Variants in CHRM3 observed in about 807,000 individuals in gnomAD.
CHRM3 encodes the protein muscarinic acetylcholine receptor M3.
A neutral mutation model predicts 41.8 loss-of-function variants in CHRM3; 11 were observed. The observed-to-expected ratio is 0.26, with a 90% CI of 0.17 to 0.44. The LOEUF is 0.44. CHRM3 is among the 20% of genes least tolerant of loss of function. The pLI is 1.00. For missense variants in CHRM3, 571 were observed against 745.4 expected (o/e 0.77, Z 2.72); for synonymous variants, 297 against 301.4 (o/e 0.99, Z 0.15).
intron 1 of CHRM3, among the ~76,000 whole-genome samples, chr1:239,490,099 T>A (rs749399239): frequency 6.6e-6 from 1 of 152,220 alleles, no homozygotes; most frequent in African/African-American, 2.4e-5. Flanking sequence ...AAACAAATGT[T>A]GCATACTATT....
chr1:239,562,305 A>G (rs1660932924), intron 3 of CHRM3, among the ~76,000 whole-genome samples: 1 of 152,160 alleles, frequency 6.6e-6, no homozygotes, highest in Non-Finnish European at 1.5e-5. Context: ...GTGATCCCTC[A>G]TAACAACTTT....
chr1:239,618,647 A>G (rs933177563), intron 3 of CHRM3, among the ~76,000 whole-genome samples: 24 of 151,622 alleles, frequency 1.6e-4, no homozygotes, highest in South Asian at 4.2e-4. Flanking sequence ...GATCGAGACC[A>G]TCCTGGCTAA....
chr1:239,519,399 G>A (rs571486912), intron 2 of CHRM3, among the ~76,000 whole-genome samples: 15 of 152,226 alleles, frequency 9.9e-5, no homozygotes, highest in Admixed American at 9.2e-4. Context: ...AGCCTCTTCT[G>A]TATGTTTGAA....
intron 2 of CHRM3, among the ~76,000 whole-genome samples, chr1:239,529,287 T>C (rs1670205048): frequency 1.3e-5 from 2 of 152,106 alleles, no homozygotes; most frequent in Admixed American, 1.3e-4. Context: ...ATTAATTTCA[T>C]TTTGAAAGCT....
intron 5 of CHRM3, among the ~76,000 whole-genome samples, chr1:239,687,599 T>G (rs1659268666): frequency 6.6e-6 from 1 of 152,156 alleles, no homozygotes; most frequent in South Asian, 2.1e-4. Context: ...AAATGTGACA[T>G]GTTTTAACCA....
At chr1:239,616,054 G>C (rs1667594621) in intron 3 of CHRM3, among the ~76,000 whole-genome samples, 1 of 152,158 alleles carries the variant, frequency 6.6e-6, no homozygotes, top group Non-Finnish European at 1.5e-5. Context: ...GTTAGGAACA[G>C]TTTGGAAAAT....
chr1:239,489,369 C>T (rs529108036), intron 1 of CHRM3, among the ~76,000 whole-genome samples: 9 of 151,792 alleles, frequency 5.9e-5, no homozygotes, highest in East Asian at 3.9e-4. Flanking sequence ...GCTGAGATCG[C>T]GCCATTGCAC....
chr1:239,445,213 C>T (rs571687439), intron 1 of CHRM3, among the ~76,000 whole-genome samples: 1 of 152,268 alleles, frequency 6.6e-6, no homozygotes, highest in South Asian at 2.1e-4. Flanking sequence ...GCTAGCTGGT[C>T]TAATAATGAT....
chr1:239,883,180 G>A (rs908956754), intron 6 of CHRM3, among the ~76,000 whole-genome samples: 1 of 152,064 alleles, frequency 6.6e-6, no homozygotes, highest in Admixed American at 6.6e-5. Context: ...CATCGTAAAC[G>A]GTAAAACAAC....
At chr1:239,772,087 A>T (rs529481158) in intron 5 of CHRM3, among the ~76,000 whole-genome samples, 3 of 152,318 alleles carry the variant, frequency 2.0e-5, no homozygotes, top group Admixed American at 2.0e-4. Context: ...TGTTATTAGC[A>T]TCTTCCCCTG....
At chr1:239,421,842 C>T (rs1239510241) in intron 1 of CHRM3, among the ~76,000 whole-genome samples, 1 of 151,982 alleles carries the variant, frequency 6.6e-6, no homozygotes, top group Non-Finnish European at 1.5e-5. Context: ...CATACTGATG[C>T]CAGATTTTTT....
chr1:239,888,006 T>C (rs974873330), intron 6 of CHRM3, among the ~76,000 whole-genome samples: 1 of 152,208 alleles, frequency 6.6e-6, no homozygotes, highest in Non-Finnish European at 1.5e-5. Flanking sequence ...CCTTGTTGCA[T>C]AGTTGAGTTG....
chr1:239,507,956 A>C (rs2148179703), intron 2 of CHRM3, among the ~76,000 whole-genome samples: 1 of 152,356 alleles, frequency 6.6e-6, no homozygotes, highest in Admixed American at 6.5e-5. Flanking sequence ...AGGACTGATT[A>C]GAATACAAGG....
chr1:239,548,095 C>T (rs1341311912), intron 3 of CHRM3, among the ~76,000 whole-genome samples: 2 of 152,116 alleles, frequency 1.3e-5, no homozygotes, highest in Admixed American at 1.3e-4. Context: ...AGTTCTATAT[C>T]AGACGTACGC....
intron 2 of CHRM3, among the ~76,000 whole-genome samples, chr1:239,504,120 C>T (rs1185997057): frequency 6.6e-6 from 1 of 152,072 alleles, no homozygotes; most frequent in Admixed American, 6.5e-5. Flanking sequence ...AGTAAACAGA[C>T]AATCCACAGT....
At chr1:239,728,861 C>A (rs1037055653) in intron 5 of CHRM3, among the ~76,000 whole-genome samples, 29 of 151,952 alleles carry the variant, frequency 1.9e-4, no homozygotes, top group African/African-American at 6.5e-4. Flanking sequence ...TGGATTCATT[C>A]ATTCAATCCT....
chr1:239,908,530 A>G lies in CHRM3; in HGVS notation c.1079A>G (p.Glu360Gly). 1 of 1,589,518 alleles carries G rather than the reference A, an allele frequency of 6.3e-7. No individual in the cohort carries two copies. The highest frequency in any genetic ancestry group is 1.8e-5 in the Admixed American group (1 of 57,012). Residue 360 changes from glutamate to glycine, a missense_variant, in exon 7 of 7, where the codon GAG becomes GGG. Physicochemically the swap from Glu to Gly is moderately conservative, Grantham distance 98. This residue lies in a region of CHRM3 where 239 missense variants were observed against 239.6 expected (regional missense o/e 1.00). Coordinates refer to ENST00000676153, the MANE Select transcript of CHRM3 (RefSeq NM_001375978.1). The surrounding 1 kb of genome is among the most constrained non-coding windows in gnomAD (Gnocchi z 7.2). ...ASSDEEDIGS[E>G]TRAIYSIVLK... ...TCCGACGAGGAGGACATTGGCTCCG[A>G]GACGAGAGCCATCTACTCCATCGTG...
chr1:239,420,962 G>T (rs1358939582), intron 1 of CHRM3, among the ~76,000 whole-genome samples: 3 of 151,992 alleles, frequency 2.0e-5, no homozygotes, highest in Non-Finnish European at 2.9e-5. Context: ...TTCTCCTTAA[G>T]AAATTTTGTT....
At chr1:239,807,476 G>A (rs1017940782) in intron 5 of CHRM3, among the ~76,000 whole-genome samples, 52 of 152,282 alleles carry the variant, frequency 3.4e-4, no homozygotes, top group African/African-American at 1.1e-3. Context: ...ATGCTACAGG[G>A]GGAATGAAAG....
Sources: gnomAD v4.1 joint callset for allele counts (sites outside exome capture counted in the v4.1 genomes callset) on GRCh38, gnomAD v4.1.1 for gene constraint, gnomAD v4.1.1 regional missense constraint, Gnocchi (gnomAD v3.1) non-coding constraint, MANE v1.5 for transcripts, NCBI Gene and HGNC (gene_info 2026-07-23, HGNC 2026-07-21) for gene names.